Variants in BICD2 observed in about 807,000 individuals in gnomAD.
BICD2 encodes BICD cargo adaptor 2.
In BICD2, 25 loss-of-function variants were observed where a neutral mutation model predicts 72.9. The observed-to-expected ratio is 0.34, with a 90% CI of 0.25 to 0.48. The LOEUF (loss-of-function observed/expected upper bound fraction) is 0.48. BICD2 is among the 20% of genes least tolerant of loss of function. The pLI is 0.99. For synonymous variants in BICD2, 501 were observed against 516.1 expected (o/e 0.97, Z 0.40); for missense variants, 894 against 1,175.2 (o/e 0.76, Z 3.50).
At chr9:92,728,751 C>A (rs542781471) in intron 2 of BICD2, among the ~76,000 whole-genome samples, 7 of 152,384 alleles carry the variant, frequency 4.6e-5, no homozygotes, top group African/African-American at 1.7e-4. Flanking sequence ...GACCACTCCT[C>A]TGCTCTGGAC....
Position 92,713,697 on chromosome 9 carries a change from G to A in BICD2, c.*1457C>T. ...AGAGGGCAAAGCGCATGCAGGGTGG[G>A]CATGCCAGCAGCCATCCCACTGCGA... On this transcript the variant is annotated 3_prime_UTR_variant, in exon 7 of 7. Transcript: ENST00000356884. 2.9e-6 allele frequency: 4 copies of A among 1,394,616 alleles called. No individual in the cohort carries two copies. Among genetic ancestry groups the A allele is most frequent in the Non-Finnish European group, 3.7e-6 (4 of 1,071,016 alleles). The allele number at this position is 1,394,616 out of a possible 1,614,324, so 86.4% of individuals were successfully genotyped here.
intron 1 of BICD2, among the ~76,000 whole-genome samples, chr9:92,746,523 C>T (rs1854017326): frequency 7.0e-6 from 1 of 142,746 alleles, no homozygotes; most frequent in African/African-American, 2.6e-5. Flanking sequence ...CAGAGTGAGA[C>T]TCCGTCTCCA....
chr9:92,743,485 G>A (rs187846661), intron 1 of BICD2, among the ~76,000 whole-genome samples: 13 of 151,330 alleles, frequency 8.6e-5, no homozygotes, highest in African/African-American at 1.5e-4. Flanking sequence ...ACAAGATACC[G>A]TGTTCAGCCT....
intron 1 of BICD2, among the ~76,000 whole-genome samples, chr9:92,743,356 T>A (rs1000592538): frequency 2.7e-5 from 2 of 74,584 alleles, no homozygotes; most frequent in African/African-American, 3.8e-5. Context: ...CCATGCCAGC[T>A]TTTTTTTTTT....
chr9:92,715,279 G>A lies in BICD2; in HGVS notation c.2443C>T (p.Pro815Ser). 1 of 1,612,800 alleles carries A rather than the reference G, an allele frequency of 6.2e-7. No individual in the cohort carries two copies. The highest frequency in any genetic ancestry group is 8.5e-7 in the Non-Finnish European group (1 of 1,179,848). ...QTRRGRAKAA[P>S]KTKPATPSVS... ...CTCGGTGTGGCTGGCTTGGTCTTCG[G>A]GGCGGCTTTGGCACGGCCACGCCGG... Residue 815 changes from proline (P) to serine (S), a missense_variant, in exon 7 of 7, where the codon CCG becomes TCG. Pro to Ser is a moderately conservative substitution (Grantham distance 74). Coordinates refer to ENST00000356884, the MANE Select transcript of BICD2 (RefSeq NM_001003800.2).
At chr9:92,726,298 A>G (rs1319867939) in intron 2 of BICD2, among the ~76,000 whole-genome samples, 3 of 152,128 alleles carry the variant, frequency 2.0e-5, no homozygotes, top group African/African-American at 7.2e-5. Context: ...ACAGGTCCTC[A>G]TGGTGTGTTG....
At position 92,737,378 on chromosome 9, in the gene BICD2, G is replaced by A. The variant is rs568098088; in HGVS notation, c.241-8142C>T. On this transcript the variant is annotated intron_variant, in intron 1 of 6. Transcript: ENST00000356884. ...CTCTCCAGGCATCCCACTGCCTTTC[G>A]GATGCCCAAGAAGGAGGCAACTCCT... 4.1e-4 allele frequency among the ~76,000 whole-genome samples: 63 copies of A among 152,188 alleles called. No homozygotes were observed. In the East Asian group the frequency reaches 5.0e-3, roughly 12 times the overall value.
At chr9:92,751,133 TTTTG>T (rs1260520316) in intron 1 of BICD2, among the ~76,000 whole-genome samples, 1 of 149,664 alleles carries the variant, frequency 6.7e-6, no homozygotes, top group Non-Finnish European at 1.5e-5. Context: ...GTGGTTGGTT[TTTTG>T]TTGTTGTTGT....
rs1853200679 is a variant in BICD2, at chr9:92,711,824, A to T, written c.*3330T>A. ...TTATTCCAGGAAACAGAATTCTTTT[A>T]TTTTTGTCATTTATATTATTATAAT... is the stretch of plus-strand genomic sequence containing the variant. On this transcript the variant is annotated 3_prime_UTR_variant, in exon 7 of 7. Coordinates refer to ENST00000356884, the MANE Select transcript of BICD2 (RefSeq NM_001003800.2). 1 of 152,446 alleles carries T rather than the reference A, an allele frequency of 6.6e-6. No individual in the cohort carries two copies. Among genetic ancestry groups the T allele is most frequent in the South Asian group, 2.1e-4 (1 of 4,830 alleles). 9.4% of individuals were successfully genotyped at this position (152,446 alleles called of 1,614,324 possible). A position where few individuals can be genotyped will look rare whatever the true frequency, so the allele number is the denominator to read the frequency against.
chr9:92,763,912 A>T (rs904137533), intron 1 of BICD2, among the ~76,000 whole-genome samples: 1 of 152,106 alleles, frequency 6.6e-6, no homozygotes, highest in Non-Finnish European at 1.5e-5. Context: ...GCCAGGGGCA[A>T]CCTCCACGTG....
intron 1 of BICD2, among the ~76,000 whole-genome samples, chr9:92,757,668 T>C (rs965181343): frequency 6.6e-6 from 1 of 150,632 alleles, no homozygotes; most frequent in Non-Finnish European, 1.5e-5. Flanking sequence ...GATCGCGCCA[T>C]TGTACTCCAG....
chr9:92,724,536 C>T (rs1472886353), intron 2 of BICD2, among the ~76,000 whole-genome samples: 3 of 152,194 alleles, frequency 2.0e-5, no homozygotes, highest in South Asian at 2.1e-4. Flanking sequence ...AAAGCTGACA[C>T]CAAAAGAAAC....
In BICD2 at chr9:92,714,923, C is replaced by T. The variant is rs1178995339; in HGVS notation, c.*231G>A. The T allele has an allele frequency of 1.5e-5, 20 of 1,357,980 alleles. No individual in the cohort carries two copies. Among genetic ancestry groups the T allele is most frequent in the Non-Finnish European group, 1.9e-5 (20 of 1,058,434 alleles). 84.1% of individuals were successfully genotyped at this position (1,357,980 alleles called of 1,614,324 possible). A position where few individuals can be genotyped will look rare whatever the true frequency, so the allele number is the denominator to read the frequency against. ...GCTCTATCCCCACCTCTGACCCCCA[C>T]CTAAGAGAGCAGCTGAGGACTGGGT... On this transcript the variant is annotated 3_prime_UTR_variant, in exon 7 of 7. Coordinates refer to ENST00000356884, the MANE Select transcript of BICD2 (RefSeq NM_001003800.2).
chr9:92,737,872 G>A (rs1453562547), intron 1 of BICD2, among the ~76,000 whole-genome samples: 1 of 152,232 alleles, frequency 6.6e-6, no homozygotes, highest in Non-Finnish European at 1.5e-5. Context: ...CCAGGTGGAA[G>A]GAACAGCAAA....
chr9:92,743,351 C>T (rs1389359305), intron 1 of BICD2, among the ~76,000 whole-genome samples: 1 of 146,550 alleles, frequency 6.8e-6, no homozygotes, highest in Non-Finnish European at 1.5e-5. Context: ...TGCCACCATG[C>T]CAGCTTTTTT....
intron 1 of BICD2, among the ~76,000 whole-genome samples, chr9:92,748,391 T>C (rs916623556): frequency 6.6e-6 from 1 of 152,192 alleles, no homozygotes; most frequent in Non-Finnish European, 1.5e-5. Flanking sequence ...CCTGGGATCA[T>C]TCTGGAAGTG....
At chr9:92,724,283 T>A (rs184567002) in intron 2 of BICD2, among the ~76,000 whole-genome samples, 1 of 152,128 alleles carries the variant, frequency 6.6e-6, no homozygotes, top group Non-Finnish European at 1.5e-5. Context: ...ACATACTTTA[T>A]AGACAAGATT....
chr9:92,756,866 CAAAAA>C (rs61466993), intron 1 of BICD2, among the ~76,000 whole-genome samples: 1 of 123,634 alleles, frequency 8.1e-6, no homozygotes, highest in Admixed American at 7.8e-5. Flanking sequence ...GACTCCGTCT[CAAAAA>C]AAAAAAAAGG....
intron 1 of BICD2, among the ~76,000 whole-genome samples, chr9:92,751,243 T>C (rs1437718244): frequency 6.6e-6 from 1 of 151,982 alleles, no homozygotes; most frequent in Non-Finnish European, 1.5e-5. Context: ...CTCGGCTTCC[T>C]GGGTTCAAGT....
Sources: allele counts gnomAD v4.1 joint callset (sites outside exome capture counted in the v4.1 genomes callset), GRCh38; gene constraint gnomAD v4.1.1; transcripts MANE v1.5; gene names NCBI Gene and HGNC (gene_info 2026-07-23, HGNC 2026-07-21).